The following POU4F2 variants were observed in gnomAD, a reference collection of about 807,000 sequenced individuals.
The protein encoded by POU4F2 is POU class 4 homeobox 2.
POU4F2 carries 10 observed loss-of-function variants against 21.5 expected under a neutral mutation model. The observed-to-expected ratio is 0.46, with a 90% confidence interval of 0.29 to 0.79. The LOEUF (loss-of-function observed/expected upper bound fraction) is 0.79. Ranked by LOEUF, POU4F2 falls within the 30% of genes least tolerant of loss-of-function variation. The probability of loss-of-function intolerance (pLI) is 0.10; values close to 1 mark genes in which losing one functional copy is unlikely to be tolerated. For missense variants in POU4F2, 623 were observed against 603.3 expected, an observed-to-expected ratio of 1.03 and a Z score of -0.34; for synonymous variants, 324 against 271.1, an observed-to-expected ratio of 1.20 and a Z score of -1.92.
rs1260157228 is a variant in POU4F2 at position 146,639,010 on chromosome 4, G to T, written c.-131G>T. The T allele has an allele frequency of 5.8e-6, 7 of 1,196,918 alleles. No homozygotes were observed. In the East Asian group the frequency reaches 2.1e-4, roughly 35 times the overall value. The allele number at this position is 1,196,918 out of a possible 1,614,324, so 74.1% of individuals were successfully genotyped here. ...GATCAGGCGTACAGAGTCCGGAGGC[G>T]GCGGCGGGTGAGCTCAACTTCGCAC... On this transcript the variant is annotated 5_prime_UTR_variant, in exon 1 of 2. Transcript: ENST00000281321.
In POU4F2 at chr4:146,641,226, T is replaced by C. The variant is rs931515692; in HGVS notation, c.*418T>C. ...ACACTTTGCAACTATTTTTCAGAAA[T>C]AGAAATTGATTCAGGACTAAAACTT... On this transcript the variant is annotated 3_prime_UTR_variant, in exon 2 of 2. Coordinates refer to ENST00000281321, the MANE Select transcript of POU4F2 (RefSeq NM_004575.3). The C allele has an allele frequency of 1.9e-5, 3 of 158,214 alleles. No individual in the cohort carries two copies. Among genetic ancestry groups the C allele is most frequent in the Non-Finnish European group, 4.2e-5 (3 of 72,180 alleles). The allele number at this position is 158,214 out of a possible 1,614,324, so 9.8% of individuals were successfully genotyped here.
Sources: allele counts gnomAD v4.1 joint callset, GRCh38; gene constraint gnomAD v4.1.1; transcripts MANE v1.5; gene names NCBI Gene and HGNC (gene_info 2026-07-23, HGNC 2026-07-21).